Variants in PLCL2 observed in about 807,000 individuals in gnomAD.
The protein encoded by PLCL2 is inactive phospholipase C-like protein 2.
Under a neutral mutation model 79.6 loss-of-function variants are expected in PLCL2, and 4 were observed. The observed-to-expected ratio is 0.05, with a 90% CI of 0.02 to 0.11. The LOEUF is 0.11. Ranked by LOEUF, PLCL2 falls within the 10% of genes least tolerant of loss-of-function variation. The pLI, the probability that PLCL2 is intolerant of heterozygous loss-of-function variation, is 1.00. For synonymous variants in PLCL2, 484 were observed against 457.7 expected (o/e 1.06, Z -0.73); for missense variants, 895 against 1,291.0 (o/e 0.69, Z 4.70).
At chr3:16,950,029 A>T (rs1435261232) in intron 1 of PLCL2, among the ~76,000 whole-genome samples, 13 of 152,176 alleles carry the variant, frequency 8.5e-5, no homozygotes, top group Admixed American at 8.5e-4. Context: ...TACCAGTATC[A>T]TGATGTTTTA....
intron 1 of PLCL2, among the ~76,000 whole-genome samples, chr3:17,005,353 G>A (rs1234771218): frequency 1.4e-5 from 2 of 141,882 alleles, no homozygotes; most frequent in Non-Finnish European, 3.0e-5. Context: ...GATGAAATGA[G>A]GTTCACCTAT....
intron 4 of PLCL2, among the ~76,000 whole-genome samples, chr3:17,056,987 A>T (rs1421384374): frequency 6.6e-6 from 1 of 152,214 alleles, no homozygotes; most frequent in Non-Finnish European, 1.5e-5. Context: ...CTTTCAGTGC[A>T]CATGAAATAT....
intron 1 of PLCL2, among the ~76,000 whole-genome samples, chr3:16,956,476 T>G (rs1009661221): frequency 6.6e-6 from 1 of 152,190 alleles, no homozygotes; most frequent in Non-Finnish European, 1.5e-5. Context: ...TCAAGGATAT[T>G]GGTCTAAAAT....
At chr3:16,943,779 TC>T (rs1277467225) in intron 1 of PLCL2, among the ~76,000 whole-genome samples, 1 of 152,206 alleles carries the variant, frequency 6.6e-6, no homozygotes, top group East Asian at 1.9e-4. Flanking sequence ...TATTCCATAA[TC>T]TTTAAGCTAT....
chr3:16,932,389 A>T (rs1399664023), intron 1 of PLCL2, among the ~76,000 whole-genome samples: 1 of 152,104 alleles, frequency 6.6e-6, no homozygotes, highest in Non-Finnish European at 1.5e-5. Context: ...ATTAGATTGA[A>T]TTTTTTTCTT....
intron 5 of PLCL2, among the ~76,000 whole-genome samples, chr3:17,071,383 A>G (rs946716235): frequency 2.0e-5 from 3 of 152,330 alleles, no homozygotes; most frequent in African/African-American, 4.8e-5. Flanking sequence ...AAAGTCATCT[A>G]TAACTGCCAC....
intron 1 of PLCL2, among the ~76,000 whole-genome samples, chr3:16,990,467 A>C (rs1388778074): frequency 6.6e-6 from 1 of 152,214 alleles, no homozygotes; most frequent in Non-Finnish European, 1.5e-5. Context: ...GAGAGACCAA[A>C]GTGTTTGTAA....
chr3:16,934,470 G>T (rs991247065), intron 1 of PLCL2, among the ~76,000 whole-genome samples: 5 of 152,186 alleles, frequency 3.3e-5, no homozygotes, highest in East Asian at 1.9e-4. Flanking sequence ...CTTCAGAAGT[G>T]TATCTGTTGG....
chr3:17,026,085 C>A (rs144329327), intron 3 of PLCL2, among the ~76,000 whole-genome samples: 98 of 152,240 alleles, frequency 6.4e-4, no homozygotes, highest in African/African-American at 2.1e-3. Context: ...ATAATTAATG[C>A]CACTCACCCC....
intron 1 of PLCL2, among the ~76,000 whole-genome samples, chr3:17,006,539 C>G (rs114131034): frequency 6.6e-6 from 1 of 152,158 alleles, no homozygotes; most frequent in African/African-American, 2.4e-5. Flanking sequence ...GTTTTCTGAT[C>G]ACTTTATCTG....
chr3:16,957,129 A>G (rs1383762456), intron 1 of PLCL2, among the ~76,000 whole-genome samples: 1 of 151,726 alleles, frequency 6.6e-6, no homozygotes, highest in Non-Finnish European at 1.5e-5. Context: ...TTAGGGTGTC[A>G]ATTTTGGATC....
intron 1 of PLCL2, among the ~76,000 whole-genome samples, chr3:16,915,602 T>C (rs1303594028): frequency 6.6e-6 from 1 of 152,200 alleles, no homozygotes; most frequent in Non-Finnish European, 1.5e-5. Flanking sequence ...AATTTTATTA[T>C]TTTTTTCCTC....
intron 1 of PLCL2, among the ~76,000 whole-genome samples, chr3:16,967,989 A>C (rs964483539): frequency 6.6e-6 from 1 of 152,140 alleles, no homozygotes; most frequent in Non-Finnish European, 1.5e-5. Context: ...ATGGCTAGCC[A>C]GTTATCCCAG....
rs531344567 is a variant in PLCL2, at chr3:17,075,312, A to G, written c.3204+7247A>G. On this transcript the variant is annotated intron_variant, in intron 5 of 5. Transcript: ENST00000615277. ...GTCAGAACACACACAACATTTACCAATTAAGTTTGCTGTCTTATAAGGAAG... is the reference window on the plus strand; with the variant it reads ...GTCAGAACACACACAACATTTACCAGTTAAGTTTGCTGTCTTATAAGGAAG... Among the ~76,000 whole-genome samples, 17 of 152,300 alleles carry G rather than the reference A, an allele frequency of 1.1e-4. No homozygotes were observed. In the South Asian group the frequency reaches 3.3e-3, roughly 30 times the overall value.
intron 1 of PLCL2, among the ~76,000 whole-genome samples, chr3:16,955,110 G>A (rs1202833325): frequency 1.3e-5 from 2 of 152,244 alleles, no homozygotes; most frequent in Non-Finnish European, 2.9e-5. Flanking sequence ...ACATGACTAC[G>A]TCCTGAATGG....
intron 4 of PLCL2, among the ~76,000 whole-genome samples, chr3:17,064,018 A>G (rs191323051): frequency 5.3e-5 from 8 of 152,350 alleles, no homozygotes; most frequent in African/African-American, 1.9e-4. Flanking sequence ...TTACAGAAGG[A>G]GAAGAGATGC....
intron 4 of PLCL2, among the ~76,000 whole-genome samples, chr3:17,049,439 T>G (rs1251355096): frequency 6.6e-6 from 1 of 152,092 alleles, no homozygotes; most frequent in Non-Finnish European, 1.5e-5. Context: ...GCCTAAAGAC[T>G]CCACCAAAAA....
chr3:17,023,536 A>G (rs2064479064), intron 3 of PLCL2, among the ~76,000 whole-genome samples: 1 of 152,040 alleles, frequency 6.6e-6, no homozygotes, highest in Non-Finnish European at 1.5e-5. Flanking sequence ...CTTCTTTCTT[A>G]TTCTCTCTTG....
intron 1 of PLCL2, among the ~76,000 whole-genome samples, chr3:16,888,352 CTT>C (rs1696271753): frequency 1.3e-5 from 2 of 152,300 alleles, no homozygotes; most frequent in South Asian, 2.1e-4. Context: ...TAAAAGAACT[CTT>C]TGGTTATGTT....
Sources: gnomAD v4.1 joint callset for allele counts (sites outside exome capture counted in the v4.1 genomes callset) on GRCh38, gnomAD v4.1.1 for gene constraint, MANE v1.5 for transcripts, NCBI Gene and HGNC (gene_info 2026-07-23, HGNC 2026-07-21) for gene names.